Variants in HERC5 observed in about 807,000 individuals in gnomAD.
HERC5 encodes the protein HECT and RLD domain containing E3 ubiquitin protein ligase 5, also known as E3 ISG15--protein ligase HERC5.
HERC5 carries 99 observed loss-of-function variants against 119.6 expected under a neutral mutation model. The observed-to-expected ratio is 0.83, with a 90% confidence interval of 0.70 to 0.98. The LOEUF (loss-of-function observed/expected upper bound fraction) is 0.98. Ranked by LOEUF, HERC5 falls within the 50% of genes least tolerant of loss-of-function variation. HERC5 has a pLI of 0.00. For missense variants in HERC5, 1,267 were observed against 1,241.3 expected (o/e 1.02, Z -0.31); for synonymous variants, 478 against 445.9 (o/e 1.07, Z -0.91).
At position 88,462,317 on chromosome 4, in the gene HERC5, A is replaced by G. The variant is rs757995107; in HGVS notation, c.649A>G (p.Lys217Glu). Residue 217 changes from lysine (K) to glutamate (E), a missense_variant, in exon 4 of 23, where the codon AAA (lysine) becomes GAA (glutamate). Physicochemically the swap from Lys to Glu is moderately conservative, Grantham distance 56 (BLOSUM62 1). This residue lies in a region of HERC5 where 777 missense variants were observed against 758.0 expected (regional missense o/e 1.03). Transcript: ENST00000264350. ...SMSGNIYSWG[K>E]NECGQLGLGH... ...GTCTGGCAACATTTATTCATGGGGA[A>G]AAAATGAATGTGGACAACTAGGCCT... is the stretch of plus-strand genomic sequence containing the variant. The G allele has an allele frequency of 2.1e-5, 34 of 1,614,104 alleles. No homozygotes were observed. Among genetic ancestry groups the G allele is most frequent in the Non-Finnish European group, 2.3e-5 (27 of 1,180,056 alleles).
chr4:88,484,358 CTG>C (rs1338944658), intron 13 of HERC5, among the ~76,000 whole-genome samples: 3 of 152,164 alleles, frequency 2.0e-5, no homozygotes, highest in Admixed American at 6.5e-5. Flanking sequence ...TGAGAGCTGT[CTG>C]TTTTCCTTGG....
At chr4:88,470,889 G>A (rs1277647559) in intron 10 of HERC5, among the ~76,000 whole-genome samples, 1 of 151,574 alleles carries the variant, frequency 6.6e-6, no homozygotes, top group African/African-American at 2.4e-5. Context: ...AAGAGTAATA[G>A]CTAGCACTTA....
At chr4:88,476,615 C>T (rs1173378667) in intron 12 of HERC5, among the ~76,000 whole-genome samples, 2 of 152,070 alleles carry the variant, frequency 1.3e-5, no homozygotes, top group Admixed American at 6.5e-5. Flanking sequence ...AATATTTCAC[C>T]ATTCATCTAA....
chr4:88,502,823 C>T (rs1741984889), intron 20 of HERC5, among the ~76,000 whole-genome samples: 1 of 151,594 alleles, frequency 6.6e-6, no homozygotes, highest in African/African-American at 2.4e-5. Context: ...ATCCTCTTTT[C>T]AGAAATAATT....
At chr4:88,497,798 G>C (rs985860960) in intron 18 of HERC5, among the ~76,000 whole-genome samples, 2 of 152,028 alleles carry the variant, frequency 1.3e-5, no homozygotes. Flanking sequence ...GTGGAAGCCT[G>C]GTGCTATTCA....
Position 88,504,256 on chromosome 4 carries a change from C to G in HERC5, c.2607C>G (p.Ile869Met). The G allele has an allele frequency of 6.3e-7, 1 of 1,590,596 alleles. No homozygotes were observed. Among genetic ancestry groups the G allele is most frequent in the Non-Finnish European group, 8.6e-7 (1 of 1,161,704 alleles). ...GGAGAGACTATGTTTCTAAGTATAT[C>G]AATTACATTTTCAACGACTCTGTAA... is the stretch of plus-strand genomic sequence containing the variant. ...TNKRDYVSKY[I>M]NYIFNDSVKA... The change falls in exon 21 of 23, where the codon ATC (isoleucine) becomes ATG (methionine). Residue 869 changes from isoleucine (I) to methionine (M), a missense_variant. Physicochemically the swap from Ile to Met is conservative, Grantham distance 10. Transcript: ENST00000264350.
At chr4:88,480,581 C>T (rs989474986) in intron 13 of HERC5, among the ~76,000 whole-genome samples, 4 of 151,878 alleles carry the variant, frequency 2.6e-5, no homozygotes, top group South Asian at 2.1e-4. Context: ...TGATAAGCTA[C>T]GGATATGTGT....
At chr4:88,484,557 C>G (rs1385878366) in intron 13 of HERC5, among the ~76,000 whole-genome samples, 1 of 152,100 alleles carries the variant, frequency 6.6e-6, no homozygotes, top group Non-Finnish European at 1.5e-5. Flanking sequence ...ATAATTTTTC[C>G]CCAACTCAGC....
At chr4:88,479,652 C>A in intron 13 of HERC5, 145 bp downstream of exon 13, 1 of 419,128 alleles carries the variant, frequency 2.4e-6, no homozygotes, top group Non-Finnish European at 3.9e-6. Context: ...AAAATTACAT[C>A]ATACATATAA....
chr4:88,494,905 A>G (rs982482741), intron 18 of HERC5, among the ~76,000 whole-genome samples: 5 of 152,220 alleles, frequency 3.3e-5, no homozygotes, highest in African/African-American at 9.6e-5. Flanking sequence ...TTATACTTCA[A>G]GTTGACAGTG....
Position 88,469,208 on chromosome 4 carries a change from G to A in HERC5, c.1186G>A (p.Val396Ile), listed in dbSNP as rs1740780142. Residue 396 changes from valine to isoleucine, a missense_variant, in exon 9 of 23, where the codon GTA (valine) becomes ATA (isoleucine). This residue lies in a region of HERC5 where 777 missense variants were observed against 758.0 expected (regional missense o/e 1.03). Transcript: ENST00000264350. ...AATTCCTACTCTGAATGAAGGGACT[G>A]TAAAGAGATGGATTGCTGATGTGGA... ...RTIPTLNEGT[V>I]KRWIADVETK... The A allele has an allele frequency of 6.2e-7, 1 of 1,613,568 alleles. No homozygotes were observed.
chr4:88,480,587 T>C (rs1365502986), intron 13 of HERC5, among the ~76,000 whole-genome samples: 6 of 152,200 alleles, frequency 3.9e-5, no homozygotes, highest in African/African-American at 1.4e-4. Context: ...GCTACGGATA[T>C]GTGTGTGTTG....
rs771547733 is a variant in HERC5, at chr4:88,504,513, G to C, written c.2785G>C (p.Gly929Arg). 1.3e-6 allele frequency: 2 copies of C among 1,583,408 alleles called. No individual in the cohort carries two copies. The highest frequency in any genetic ancestry group is 8.6e-7 in the Non-Finnish European group (1 of 1,166,908). The stretch of plus-strand genomic sequence containing the variant: ...TCTCTAGAATGCACGTTATGAACCA[G>C]GATATAACAGTTCACATCCCACCAT... Reference protein sequence around the residue: ...TFEKNARYEPGYNSSHPTIVM... With the variant: ...TFEKNARYEPRYNSSHPTIVM... The change falls in exon 22 of 23, where the codon GGA becomes CGA. Residue 929 changes from glycine to arginine, a missense_variant. Coordinates refer to ENST00000264350, the MANE Select transcript of HERC5 (RefSeq NM_016323.4).
intron 3 of HERC5, among the ~76,000 whole-genome samples, chr4:88,460,652 G>A: frequency 6.6e-6 from 1 of 152,146 alleles, no homozygotes; most frequent in East Asian, 1.9e-4. Flanking sequence ...ACACTGTCAT[G>A]GTGGGAAATG....
intron 13 of HERC5, among the ~76,000 whole-genome samples, chr4:88,481,268 G>A (rs1741267511): frequency 6.6e-6 from 1 of 152,112 alleles, no homozygotes; most frequent in Non-Finnish European, 1.5e-5. Context: ...GCCCAGGCTG[G>A]TCTCGAACTC....
At chr4:88,478,818 C>G (rs915827126) in intron 12 of HERC5, among the ~76,000 whole-genome samples, 6 of 152,054 alleles carry the variant, frequency 3.9e-5, no homozygotes, top group Admixed American at 3.9e-4. Flanking sequence ...CTCTATGTTG[C>G]CCAGGCTGGC....
Position 88,468,388 on chromosome 4 carries a change from G to A in HERC5, c.1100G>A (p.Gly367Glu). 1.2e-6 allele frequency: 2 copies of A among 1,611,636 alleles called. No homozygotes were observed. The highest frequency in any genetic ancestry group is 8.5e-7 in the Non-Finnish European group (1 of 1,178,610). ...SEKELIMIAGGNQSILLWIKK... is the reference protein window; with the variant it reads ...SEKELIMIAGENQSILLWIKK... ...AAGGAGTTAATAATGATTGCTGGAG[G>A]GAATCAAAGCATTTTGCTCTGGATA... Residue 367 changes from glycine to glutamate, a missense_variant, in exon 8 of 23, where the codon GGG becomes GAG. Physicochemically the swap from Gly to Glu is moderately conservative, Grantham distance 98 (BLOSUM62 -2). Coordinates refer to ENST00000264350, the MANE Select transcript of HERC5 (RefSeq NM_016323.4).
At chr4:88,494,964 C>G (rs955049346) in intron 18 of HERC5, among the ~76,000 whole-genome samples, 3 of 152,176 alleles carry the variant, frequency 2.0e-5, no homozygotes, top group Non-Finnish European at 4.4e-5. Flanking sequence ...TGAAAACTTT[C>G]ATTTTAATTT....
intron 18 of HERC5, among the ~76,000 whole-genome samples, chr4:88,498,680 C>T (rs1741867060): frequency 6.6e-6 from 1 of 152,192 alleles, no homozygotes; most frequent in Non-Finnish European, 1.5e-5. Context: ...AAGCGATTCT[C>T]GTCCCTCAGC....
Sources: allele counts gnomAD v4.1 joint callset (sites outside exome capture counted in the v4.1 genomes callset), GRCh38; gene constraint gnomAD v4.1.1; regional missense constraint gnomAD v4.1.1; transcripts MANE v1.5; gene names NCBI Gene and HGNC (gene_info 2026-07-23, HGNC 2026-07-21).